The following PLCXD1 variants were observed in gnomAD, a reference collection of about 807,000 sequenced individuals.
PLCXD1 encodes the protein PI-PLC X domain-containing protein 1.
PLCXD1 carries 45 observed loss-of-function variants against 37.8 expected under a neutral mutation model. That is an observed-to-expected ratio of 1.19 (90% CI 0.94 to 1.53). The LOEUF (loss-of-function observed/expected upper bound fraction) is 1.53, where lower values mean the gene tolerates loss of function less well. Ranked by LOEUF, PLCXD1 falls within the 40% of genes most tolerant of loss-of-function variation. PLCXD1 has a pLI of 0.00. For missense variants in PLCXD1, 539 were observed against 454.7 expected, an observed-to-expected ratio of 1.19 and a Z score of -1.69; for synonymous variants, 246 against 206.9, an observed-to-expected ratio of 1.19 and a Z score of -1.62.
chrX:281,416 C>T lies in PLCXD1; in HGVS notation c.-290C>T, dbSNP rs2069274667. On this transcript the variant is annotated 5_prime_UTR_variant, in exon 1 of 7. Coordinates refer to ENST00000381657, the MANE Select transcript of PLCXD1 (RefSeq NM_018390.4). ...GCAGGGAAGATCTGAGTTCATGTAG[C>T]TGGTGTTGGCTTAGGGTCTGGGAGG... 1.3e-5 allele frequency: 2 copies of T among 151,206 alleles called. No individual in the cohort carries two copies. 9.4% of individuals were successfully genotyped at this position (151,206 alleles called of 1,614,324 possible). A position where few individuals can be genotyped will look rare whatever the true frequency, so the allele number is the denominator to read the frequency against.
At chrX:276,708 C>G (rs2069163871), upstream of PLCXD1, among the ~76,000 whole-genome samples, 1 of 152,158 alleles carries the variant, frequency 6.6e-6, no homozygotes, top group Non-Finnish European at 1.5e-5. Context: ...GCCCGGGGGC[C>G]ACGACTTGCT....
In PLCXD1 at chrX:288,730, CAG is replaced by C; in HGVS notation, c.128-2_128-1del. The C allele has an allele frequency of 1.9e-6, 3 of 1,613,828 alleles. No individual in the cohort carries two copies. The highest frequency in any genetic ancestry group is 2.5e-6 in the Non-Finnish European group (3 of 1,179,792). On this transcript the variant is annotated splice_acceptor_variant, in intron 2 of 6. Transcript: ENST00000381657. LOFTEE classifies it high-confidence loss of function. ...CATGTCCGCGTGTGTGCTTTGCTCT[CAG>C]GGAGCCACGACACGATGACGTACTG...
chrX:294,481 CAAAA>C (rs962052329), intron 6 of PLCXD1, among the ~76,000 whole-genome samples: 16 of 93,758 alleles, frequency 1.7e-4, no homozygotes, highest in African/African-American at 2.4e-4. Context: ...AACTCTGTCT[CAAAA>C]AAAAAAAAAA....
At chrX:293,774 A>G (rs2069714016) in intron 6 of PLCXD1, among the ~76,000 whole-genome samples, 1 of 152,180 alleles carries the variant, frequency 6.6e-6, no homozygotes, top group Non-Finnish European at 1.5e-5. Flanking sequence ...GCCAGACACA[A>G]AAGGACACGT....
rs2069536462 is a variant in PLCXD1, at chrX:288,788, G to C, written c.183G>C (p.Glu61Asp). The C allele has an allele frequency of 6.2e-7, 1 of 1,613,782 alleles. No individual in the cohort carries two copies. Among genetic ancestry groups the C allele is most frequent in the South Asian group, 1.1e-5 (1 of 91,068 alleles). ...ACAAGAAGTCCCCCATTTCGCACGA[G>C]GAGTCCCGGCTGCTGCAGCTGCTGA... Reference protein sequence around the residue: ...CLNKKSPISHEESRLLQLLNK... With the variant: ...CLNKKSPISHDESRLLQLLNK... Residue 61 changes from glutamate to aspartate, a missense_variant, in exon 3 of 7, where the codon GAG (glutamate) becomes GAC (aspartate). Physicochemically the swap from Glu to Asp is conservative, Grantham distance 45 (BLOSUM62 2). Transcript: ENST00000381657.
Position 300,852 on chromosome X carries a change from T to C in PLCXD1, c.*1517T>C, listed in dbSNP as rs2069997179. 1 of 151,708 alleles carries C rather than the reference T, an allele frequency of 6.6e-6. No homozygotes were observed. Among genetic ancestry groups the C allele is most frequent in the South Asian group, 2.1e-4 (1 of 4,816 alleles). 9.4% of individuals were successfully genotyped at this position (151,708 alleles called of 1,614,324 possible). A position where few individuals can be genotyped will look rare whatever the true frequency, so the allele number is the denominator to read the frequency against. On this transcript the variant is annotated 3_prime_UTR_variant, in exon 7 of 7. Transcript: ENST00000381657. ...CCGAGTAGCTGGGATGACAGGCATG[T>C]GCCACCACACCCGACTAATTTCATA...
At position 290,948 on chromosome X, in the gene PLCXD1, C is replaced by T. The variant is rs1240029955; in HGVS notation, c.393+172C>T. On this transcript the variant is annotated intron_variant, in intron 4 of 6. Coordinates refer to ENST00000381657, the MANE Select transcript of PLCXD1 (RefSeq NM_018390.4). ...AGCAAGGGGGACAGCGGGAGGCGGC[C>T]GGGCGCTGGTGCAGGTGCGGCCGGG... 5.1e-4 allele frequency among the ~76,000 whole-genome samples: 53 copies of T among 103,802 alleles called. 1 individual carries two copies. The South Asian group carries it at 9.7e-3, about 19-fold the overall frequency. 68.1% of individuals were successfully genotyped at this position (103,802 alleles called of 152,430 possible).
rs145863471 is a variant in PLCXD1 at position 299,336 on chromosome X, C to T, written c.*1C>T. ...CAATCAGAAGCTGCTGTGGTGCTGA[C>T]GGGACCCTTCTGAAGTTCGGGACGC... On this transcript the variant is annotated 3_prime_UTR_variant, in exon 7 of 7. Coordinates refer to ENST00000381657, the MANE Select transcript of PLCXD1 (RefSeq NM_018390.4). The T allele has an allele frequency of 1.3e-4, 208 of 1,604,824 alleles. No homozygotes were observed. The highest frequency in any genetic ancestry group is 1.2e-3 in the African/African-American group (87 of 74,842).
chrX:285,974 A>C (rs1365803315), intron 2 of PLCXD1, among the ~76,000 whole-genome samples: 1 of 152,072 alleles, frequency 6.6e-6, no homozygotes, highest in Admixed American at 6.6e-5. Flanking sequence ...TCAGGAATTC[A>C]TGTGGGTTAC....
intron 6 of PLCXD1, 108 bp downstream of exon 6, chrX:293,326 A>T (rs2069699684): frequency 9.5e-6 from 8 of 845,660 alleles, no homozygotes; most frequent in Middle Eastern, 3.7e-4. Flanking sequence ...AAAACAATTT[A>T]AAAGGAATCC....
intron 1 of PLCXD1, 138 bp from the exon 2 acceptor site, chrX:284,020 GACAGGTGCC>G (rs1269126596): frequency 4.7e-6 from 3 of 644,174 alleles, no homozygotes; most frequent in African/African-American, 1.8e-5. Flanking sequence ...TAGCTGGGAT[GACAGGTGCC>G]ACAGGTGCCC....
At position 302,571 on chromosome X, in the gene PLCXD1, G is replaced by C. The variant is rs1368040351; in HGVS notation, c.*3236G>C. The C allele has an allele frequency of 1.3e-5, 2 of 151,630 alleles. No individual in the cohort carries two copies. The highest frequency in any genetic ancestry group is 4.8e-5 in the African/African-American group (2 of 41,290). 9.4% of individuals were successfully genotyped at this position (151,630 alleles called of 1,614,324 possible). On this transcript the variant is annotated 3_prime_UTR_variant, in exon 7 of 7. Coordinates refer to ENST00000381657, the MANE Select transcript of PLCXD1 (RefSeq NM_018390.4). ...ACCGTGCCTGGTTAATTTTGTATTT[G>C]TATTTTTATTTATGTTTTGAGACGG...
intron 6 of PLCXD1, among the ~76,000 whole-genome samples, chrX:296,980 T>C (rs867951505): frequency 0.19 from 5,593 of 29,744 alleles, 993 homozygotes; most frequent in African/African-American, 0.37. Context: ...ATTCTGTCTA[T>C]CACATGGGGA....
intron 6 of PLCXD1, among the ~76,000 whole-genome samples, chrX:297,724 G>T (rs1602913864): frequency 1.8e-5 from 1 of 55,882 alleles, no homozygotes; most frequent in Admixed American, 1.6e-4. Flanking sequence ...CCCACATGGG[G>T]ATTAGGACGT....
intron 6 of PLCXD1, among the ~76,000 whole-genome samples, chrX:296,566 G>C (rs1214571468): frequency 6.6e-6 from 1 of 152,168 alleles, no homozygotes; most frequent in Admixed American, 6.6e-5. Flanking sequence ...AATATGGCTT[G>C]CAGGAGATTC....
At chrX:284,040 A>G in intron 1 of PLCXD1, 127 bp from the exon 2 acceptor site, 1 of 722,124 alleles carries the variant, frequency 1.4e-6, no homozygotes, top group Non-Finnish European at 2.4e-6. Context: ...ACAGGTGCCC[A>G]CCACCACGCC....
chrX:288,924 G>A lies in PLCXD1; in HGVS notation c.264+55G>A, dbSNP rs184816270. ...GGCCTGTCAGCTATGTGGGGCCCAC[G>A]GCCCCGTGGTGCTGAAATGGCCCCT... On this transcript the variant is annotated intron_variant, in intron 3 of 6. Transcript: ENST00000381657. 2.0e-4 allele frequency: 313 copies of A among 1,573,062 alleles called. No individual in the cohort carries two copies. In the African/African-American group the frequency reaches 3.1e-3, roughly 15 times the overall value.
At chrX:279,795 A>G (rs1375321410), upstream of PLCXD1, among the ~76,000 whole-genome samples, 1 of 151,910 alleles carries the variant, frequency 6.6e-6, no homozygotes, top group African/African-American at 2.4e-5. Flanking sequence ...AAAAGAAGAA[A>G]AAAAGAGTTA....
At chrX:294,481 C>CA (rs962052329) in intron 6 of PLCXD1, among the ~76,000 whole-genome samples, 1,951 of 93,678 alleles carry the variant, frequency 0.021, 16 homozygotes, top group African/African-American at 0.032. Flanking sequence ...AACTCTGTCT[C>CA]AAAAAAAAAA....
Sources: allele counts gnomAD v4.1 joint callset (sites outside exome capture counted in the v4.1 genomes callset), GRCh38; gene constraint gnomAD v4.1.1; transcripts MANE v1.5; gene names NCBI Gene and HGNC (gene_info 2026-07-23, HGNC 2026-07-21).